CFAP43: variants seen among roughly 807,000 people sequenced by gnomAD.
CFAP43 encodes the protein cilia and flagella associated protein 43.
A neutral mutation model predicts 218.9 loss-of-function variants in CFAP43; 155 were observed. The ratio of observed to expected loss-of-function variants is 0.71; its 90% CI spans 0.62 to 0.81. The LOEUF (loss-of-function observed/expected upper bound fraction) is 0.81, where lower values mean the gene tolerates loss of function less well. Among genes scored for constraint, CFAP43 ranks in the 30% least tolerant of loss-of-function variants. The probability of loss-of-function intolerance (pLI) is 0.00; values close to 1 mark genes in which losing one functional copy is unlikely to be tolerated. For synonymous variants in CFAP43, 645 were observed against 681.3 expected (o/e 0.95, Z 0.83); for missense variants, 1,778 against 1,954.3 (o/e 0.91, Z 1.70).
At position 104,185,007 on chromosome 10, in the gene CFAP43, T is replaced by C. The variant is rs2089985376; in HGVS notation, c.2141+9A>G. On this transcript the variant is annotated intron_variant, in intron 16 of 37. Coordinates refer to ENST00000357060, the MANE Select transcript of CFAP43 (RefSeq NM_025145.7). The stretch of plus-strand genomic sequence containing the variant: ...CTACATGGGGTTACTTACTGAATAC[T>C]GTACGTACTTCCACTTTAGGTAGAC... 1.9e-6 allele frequency: 3 copies of C among 1,613,788 alleles called. No homozygotes were observed. In the African/African-American group the frequency reaches 4.0e-5, roughly 22 times the overall value.
At chr10:104,132,024 G>T in intron 36 of CFAP43, 92 bp downstream of exon 36, 1 of 973,032 alleles carries the variant, frequency 1.0e-6, no homozygotes. Context: ...ATTTTATTAG[G>T]GTCTAGGTAA....
chr10:104,203,417 A>T (rs1482210228), intron 8 of CFAP43: 1 of 400,598 alleles, frequency 2.5e-6, no homozygotes, highest in Non-Finnish European at 4.4e-6. Context: ...AGATGGAAAA[A>T]AACAAGGCTT....
intron 3 of CFAP43, among the ~76,000 whole-genome samples, chr10:104,221,353 G>A (rs964286875): frequency 2.6e-5 from 4 of 152,162 alleles, no homozygotes; most frequent in African/African-American, 9.7e-5. Context: ...TTTATATGTT[G>A]AAATCCTAAC....
chr10:104,169,389 C>T (rs1425896850), intron 20 of CFAP43, among the ~76,000 whole-genome samples: 2 of 152,188 alleles, frequency 1.3e-5, no homozygotes, highest in Non-Finnish European at 2.9e-5. Context: ...CTATTATTTA[C>T]ATCCACAATA....
chr10:104,181,398 T>C (rs2134875495), intron 17 of CFAP43, among the ~76,000 whole-genome samples: 1 of 152,294 alleles, frequency 6.6e-6, no homozygotes, highest in Admixed American at 6.5e-5. Flanking sequence ...CTGAGCAATG[T>C]CCCTGCTTCT....
rs761332911 is a variant in CFAP43, at chr10:104,212,168, A to AAGAGGC, written c.585-17_585-12dup. 1 of 1,611,102 alleles carries AAGAGGC rather than the reference A, an allele frequency of 6.2e-7. No homozygotes were observed. Among genetic ancestry groups the AAGAGGC allele is most frequent in the Non-Finnish European group, 8.5e-7 (1 of 1,178,076 alleles). On this transcript the variant is annotated splice_polypyrimidine_tract_variant and intron_variant, in intron 4 of 37. Transcript: ENST00000357060. ...GGTAATTTCACCGACCTGTAGACAA[A>AAGAGGC]AGAGGCATCAGAACAATGAGATGAA...
chr10:104,209,008 G>A (rs547091143), intron 5 of CFAP43, among the ~76,000 whole-genome samples: 5 of 152,278 alleles, frequency 3.3e-5, no homozygotes, highest in East Asian at 1.9e-4. Context: ...GCTATGAATA[G>A]ATAATGGGAT....
chr10:104,232,247 G>A lies in CFAP43; in HGVS notation c.-1C>T. The A allele has an allele frequency of 1.9e-6, 3 of 1,604,232 alleles. No individual in the cohort carries two copies. The highest frequency in any genetic ancestry group is 2.5e-6 in the Non-Finnish European group (3 of 1,176,766). ...CGTCGCGCTCCCGGCCTTGCGCCAT[G>A]GGCAGTGTTTTCCTCAGGCGGGAGC... On this transcript the variant is annotated 5_prime_UTR_variant, in exon 1 of 38. Coordinates refer to ENST00000357060, the MANE Select transcript of CFAP43 (RefSeq NM_025145.7).
intron 32 of CFAP43, among the ~76,000 whole-genome samples, chr10:104,143,220 C>T (rs966702323): frequency 5.9e-5 from 9 of 152,082 alleles, no homozygotes; most frequent in East Asian, 1.9e-4. Flanking sequence ...CTATTTTGAA[C>T]GGCACCAGTC....
chr10:104,225,907 C>T (rs1467709511), intron 2 of CFAP43, among the ~76,000 whole-genome samples: 1 of 152,202 alleles, frequency 6.6e-6, no homozygotes, highest in Non-Finnish European at 1.5e-5. Flanking sequence ...AATAGTTATT[C>T]AGACATCTTT....
chr10:104,161,899 T>C (rs1386992925), intron 26 of CFAP43, 62 bp downstream of exon 26: 3 of 1,515,598 alleles, frequency 2.0e-6, no homozygotes, highest in African/African-American at 2.8e-5. Flanking sequence ...ACAAAAATGG[T>C]AAAACTTAAG....
intron 3 of CFAP43, among the ~76,000 whole-genome samples, chr10:104,217,620 A>C (rs58759701): frequency 0.14 from 20,840 of 152,148 alleles, 1,503 homozygotes; most frequent in South Asian, 0.21. Context: ...CTGCGAATGA[A>C]AACACACTTT....
chr10:104,166,426 C>T (rs566054098), intron 23 of CFAP43, 62 bp downstream of exon 23: 13 of 1,208,520 alleles, frequency 1.1e-5, no homozygotes, highest in Non-Finnish European at 1.5e-5. Context: ...CAATGTGAGG[C>T]CTTGAAAGCC....
At chr10:104,186,145 C>T in intron 14 of CFAP43, 22 bp from the exon 15 acceptor site, 1 of 1,461,794 alleles carries the variant, frequency 6.8e-7, no homozygotes, top group Non-Finnish European at 9.0e-7. Flanking sequence ...AGAAAATAAC[C>T]ACATTATAGA....
intron 32 of CFAP43, 67 bp downstream of exon 32, chr10:104,143,359 G>T: frequency 1.4e-6 from 2 of 1,396,182 alleles, no homozygotes; most frequent in South Asian, 1.3e-5. Context: ...TGGTTACACT[G>T]ACCAATGTAA....
intron 3 of CFAP43, among the ~76,000 whole-genome samples, chr10:104,216,422 T>C (rs2091013406): frequency 6.6e-6 from 1 of 152,206 alleles, no homozygotes; most frequent in Non-Finnish European, 1.5e-5. Flanking sequence ...ACTCAGTGGC[T>C]GTCCAACTGT....
chr10:104,161,648 T>C (rs1052445553), intron 26 of CFAP43, among the ~76,000 whole-genome samples: 1 of 152,198 alleles, frequency 6.6e-6, no homozygotes, highest in Non-Finnish European at 1.5e-5. Flanking sequence ...TTTGGTTTTC[T>C]GAGACAGGGT....
At chr10:104,189,046 T>A (rs2090125004) in intron 12 of CFAP43, among the ~76,000 whole-genome samples, 1 of 152,170 alleles carries the variant, frequency 6.6e-6, no homozygotes, top group South Asian at 2.1e-4. Flanking sequence ...CAAGGACATC[T>A]ACATAAACTC....
intron 3 of CFAP43, among the ~76,000 whole-genome samples, chr10:104,215,776 A>G (rs2090996198): frequency 6.6e-6 from 1 of 151,958 alleles, no homozygotes; most frequent in African/African-American, 2.4e-5. Flanking sequence ...TTTGATTCCC[A>G]TGAATAAAAT....
Sources: allele counts gnomAD v4.1 joint callset (sites outside exome capture counted in the v4.1 genomes callset), GRCh38; gene constraint gnomAD v4.1.1; transcripts MANE v1.5; gene names NCBI Gene and HGNC (gene_info 2026-07-23, HGNC 2026-07-21).